UGT1A8: variants seen among roughly 807,000 people sequenced by gnomAD.
UGT1A8 encodes the protein UDP glucuronosyltransferase family 1 member A8, also known as UDP-glucuronosyltransferase 1A8.
In UGT1A8, 39 loss-of-function variants were observed where a neutral mutation model predicts 45.3. The observed-to-expected ratio is 0.86, with a 90% CI of 0.67 to 1.12. UGT1A8 has a LOEUF of 1.12. Among genes scored for constraint, UGT1A8 ranks in the 50% most tolerant of loss-of-function variants. The pLI is 0.00. For missense variants in UGT1A8, 719 were observed against 664.9 expected, an observed-to-expected ratio of 1.08 and a Z score of -0.90; for synonymous variants, 275 against 249.2, an observed-to-expected ratio of 1.10 and a Z score of -0.97.
chr2:233,725,035 A>C lies in UGT1A8; in HGVS notation c.856-41999A>C, dbSNP rs1161342472. 1.1e-4 allele frequency among the ~76,000 whole-genome samples: 17 copies of C among 148,286 alleles called. 1 individual carries two copies. The highest frequency in any genetic ancestry group is 4.0e-4 in the African/African-American group (16 of 39,830). On this transcript the variant is annotated intron_variant, in intron 1 of 4. Transcript: ENST00000373450. ...AAACAGCAAAACCCGGTCTCCACCA[A>C]AACCAGTCAGGCGTGGCGGCGCGCG... is the stretch of plus-strand genomic sequence containing the variant.
At chr2:233,754,838 G>A (rs1298035120) in intron 1 of UGT1A8, 8 of 1,343,666 alleles carry the variant, frequency 6.0e-6, no homozygotes, top group South Asian at 1.1e-5. Context: ...GAAATTCACT[G>A]AAGGCAGAGA....
chr2:233,665,602 T>C (rs984618204), intron 1 of UGT1A8, among the ~76,000 whole-genome samples: 2 of 152,210 alleles, frequency 1.3e-5, no homozygotes, highest in Non-Finnish European at 2.9e-5. Context: ...CAGTTTAGCA[T>C]TGGTTGGTTT....
intron 1 of UGT1A8, among the ~76,000 whole-genome samples, chr2:233,757,896 C>T (rs1297679272): frequency 6.6e-6 from 1 of 152,080 alleles, no homozygotes; most frequent in Non-Finnish European, 1.5e-5. Flanking sequence ...GAAACACTTT[C>T]CATGGACGTG....
At chr2:233,729,262 G>A in intron 1 of UGT1A8, 1 of 1,614,138 alleles carries the variant, frequency 6.2e-7, no homozygotes, top group Non-Finnish European at 8.5e-7. Flanking sequence ...CAGCATGCGG[G>A]AGGTCTTGCG....
chr2:233,718,694 G>C, intron 1 of UGT1A8: 1 of 1,591,628 alleles, frequency 6.3e-7, no homozygotes, highest in Non-Finnish European at 8.5e-7. Context: ...CTGGAGGAGG[G>C]CACTTTGTCT....
In UGT1A8 at chr2:233,695,464, G is replaced by A. The variant is rs575378688; in HGVS notation, c.856-71570G>A. 2.6e-5 allele frequency among the ~76,000 whole-genome samples: 4 copies of A among 151,306 alleles called. No homozygotes were observed. The East Asian group carries it at 7.8e-4, about 29-fold the overall frequency. Reference sequence around the variant, plus strand: ...TTTTTTTGATCAACGTGCTTTATTGGCCCTTTAGATGTTTTTCTCTTTTCT... The same window carrying A: ...TTTTTTTGATCAACGTGCTTTATTGACCCTTTAGATGTTTTTCTCTTTTCT... On this transcript the variant is annotated intron_variant, in intron 1 of 4. Coordinates refer to ENST00000373450, the MANE Select transcript of UGT1A8 (RefSeq NM_019076.5).
At position 233,672,779 on chromosome 2, in the gene UGT1A8, C is replaced by T. The variant is rs367751620; in HGVS notation, c.855+54217C>T. The T allele has an allele frequency of 2.0e-5, 33 of 1,613,374 alleles. No homozygotes were observed. The highest frequency in any genetic ancestry group is 1.3e-4 in the African/African-American group (10 of 75,028). On this transcript the variant is annotated intron_variant, in intron 1 of 4. Coordinates refer to ENST00000373450, the MANE Select transcript of UGT1A8 (RefSeq NM_019076.5). ...GGTATCAACTGCCATCAGGGAAAGCCGTTGCCTATGGTAAGTTATCTCTCC... is the reference window on the plus strand; with the variant it reads ...GGTATCAACTGCCATCAGGGAAAGCTGTTGCCTATGGTAAGTTATCTCTCC...
rs1429453691 is a variant in UGT1A8, at chr2:233,751,746, G to C, written c.856-15288G>C. ...AACTCTTCCTCTCTGTTTCTCTCTT[G>C]CTTGCTGCCATGTGAGACATGACTT... On this transcript the variant is annotated intron_variant, in intron 1 of 4. Transcript: ENST00000373450. Among the ~76,000 whole-genome samples, 3 of 152,060 alleles carry C rather than the reference G, an allele frequency of 2.0e-5. No homozygotes were observed. The East Asian group carries it at 5.8e-4, about 29-fold the overall frequency.
At chr2:233,637,500 C>G (rs1339244800) in intron 1 of UGT1A8, 6 of 1,488,482 alleles carry the variant, frequency 4.0e-6, no homozygotes, top group Non-Finnish European at 5.3e-6. Context: ...TCCAGTTTAA[C>G]AAATTATTTT....
chr2:233,671,009 C>A (rs1461140181), intron 1 of UGT1A8, among the ~76,000 whole-genome samples: 1 of 152,126 alleles, frequency 6.6e-6, no homozygotes, highest in Non-Finnish European at 1.5e-5. Flanking sequence ...TATTTGTAAA[C>A]CCAAACATAC....
intron 1 of UGT1A8, chr2:233,755,911 G>A (rs1696063109): frequency 6.6e-6 from 1 of 151,336 alleles, no homozygotes; most frequent in African/African-American, 2.4e-5. Context: ...AATGTAGTGA[G>A]AAGAGTGGCA....
chr2:233,683,289 T>C (rs2074626514), intron 1 of UGT1A8, among the ~76,000 whole-genome samples: 1 of 152,164 alleles, frequency 6.6e-6, no homozygotes, highest in South Asian at 2.1e-4. Context: ...GTTAAAGATA[T>C]CTTTACAGGT....
chr2:233,677,718 C>A (rs560879078), intron 1 of UGT1A8, among the ~76,000 whole-genome samples: 100 of 151,980 alleles, frequency 6.6e-4, no homozygotes, highest in African/African-American at 2.2e-3. Flanking sequence ...AACACTTGTA[C>A]CCTCTTGGTG....
rs773957041 is a variant in UGT1A8 at position 233,772,325 on chromosome 2, C to G, written c.1359C>G (p.Asp453Glu). Residue 453 changes from aspartate to glutamate, a missense_variant, in exon 5 of 5, where the codon GAC becomes GAG. Coordinates refer to ENST00000373450, the MANE Select transcript of UGT1A8 (RefSeq NM_019076.5). ...AGGACCGCCCGGTGGAGCCGCTGGACCTGGCCGTGTTCTGGGTGGAGTTTG... is the reference window on the plus strand; with the variant it reads ...AGGACCGCCCGGTGGAGCCGCTGGAGCTGGCCGTGTTCTGGGTGGAGTTTG... ...LHKDRPVEPLDLAVFWVEFVM... is the reference protein window; with the variant it reads ...LHKDRPVEPLELAVFWVEFVM... The G allele has an allele frequency of 1.9e-6, 3 of 1,614,136 alleles. No individual in the cohort carries two copies. The highest frequency in any genetic ancestry group is 2.2e-5 in the South Asian group (2 of 91,076).
Position 233,740,507 on chromosome 2 carries a change from T to C in UGT1A8, c.856-26527T>C, listed in dbSNP as rs1011982264. ...CTTCCAGATGCTTTCCAGTGTGTGA[T>C]GTAAGCTGAACTAAAATCAGCTGTG... On this transcript the variant is annotated intron_variant, in intron 1 of 4. Coordinates refer to ENST00000373450, the MANE Select transcript of UGT1A8 (RefSeq NM_019076.5). Among the ~76,000 whole-genome samples the C allele has an allele frequency of 1.6e-4, 24 of 151,884 alleles. 2 individuals carry two copies. Among genetic ancestry groups the C allele is most frequent in the African/African-American group, 5.6e-4 (23 of 41,150 alleles).
At chr2:233,743,335 G>C (rs534297671) in intron 1 of UGT1A8, 1 of 800,282 alleles carries the variant, frequency 1.2e-6, no homozygotes, top group East Asian at 6.3e-5. Flanking sequence ...AACTATTTCA[G>C]TGGAAGTCGA....
At chr2:233,756,081 A>G (rs1239425363) in intron 1 of UGT1A8, 2 of 152,230 alleles carry the variant, frequency 1.3e-5, no homozygotes, top group South Asian at 2.1e-4. Context: ...ACAATGAGAA[A>G]ATCAAGTAAC....
chr2:233,630,203 A>G (rs143652640), intron 1 of UGT1A8, among the ~76,000 whole-genome samples: 51 of 152,106 alleles, frequency 3.4e-4, no homozygotes, highest in African/African-American at 1.2e-3. Flanking sequence ...ATCACTGACC[A>G]TCATGTTTAT....
chr2:233,763,751 G>A (rs758447394), intron 1 of UGT1A8, among the ~76,000 whole-genome samples: 3 of 152,212 alleles, frequency 2.0e-5, no homozygotes, highest in Non-Finnish European at 4.4e-5. Flanking sequence ...TCTTTGGTGT[G>A]TCTGAAGGAA....
Sources: allele counts gnomAD v4.1 joint callset (sites outside exome capture counted in the v4.1 genomes callset), GRCh38; gene constraint gnomAD v4.1.1; transcripts MANE v1.5; gene names NCBI Gene and HGNC (gene_info 2026-07-23, HGNC 2026-07-21).